The following PSMB2 variants were observed in gnomAD, a reference collection of about 807,000 sequenced individuals.
The protein encoded by PSMB2 is proteasome 20S subunit beta 2, also known as proteasome subunit beta type-2.
A neutral mutation model predicts 25.7 loss-of-function variants in PSMB2; 13 were observed. That is an observed-to-expected ratio of 0.51 (90% CI 0.33 to 0.80). The LOEUF (loss-of-function observed/expected upper bound fraction) is 0.80. PSMB2 is among the 30% of genes least tolerant of loss of function. The probability of loss-of-function intolerance (pLI) is 0.02; values close to 1 mark genes in which losing one functional copy is unlikely to be tolerated. For synonymous variants in PSMB2, 87 were observed against 96.2 expected (o/e 0.90, Z 0.56); for missense variants, 202 against 259.0 (o/e 0.78, Z 1.51).
rs1571118383 is a variant in PSMB2 at position 35,603,089 on chromosome 1, T to A, written c.*178A>T. Reference sequence around the variant, plus strand: ...TGGCAAAAAGATCATCTTCCCTCCATATCCTTTCTGAGGTAATATTAGGTA... The same window carrying A: ...TGGCAAAAAGATCATCTTCCCTCCAAATCCTTTCTGAGGTAATATTAGGTA... On this transcript the variant is annotated 3_prime_UTR_variant, in exon 6 of 6. Transcript: ENST00000373237. 5.8e-6 allele frequency: 8 copies of A among 1,388,164 alleles called. No homozygotes were observed. The South Asian group carries it at 1.3e-4, about 22-fold the overall frequency. The allele number at this position is 1,388,164 out of a possible 1,614,324, so 86.0% of individuals were successfully genotyped here.
intron 1 of PSMB2, among the ~76,000 whole-genome samples, chr1:35,639,930 TATTACATTACCACCTTATAG>T (rs1448296122): frequency 6.6e-6 from 1 of 152,206 alleles, no homozygotes; most frequent in African/African-American, 2.4e-5. Flanking sequence ...AGATAGGTGC[TATTACATTACCACCTTATAG>T]ATGTTAGCTC....
intron 4 of PSMB2, among the ~76,000 whole-genome samples, chr1:35,606,836 C>T (rs1650184294): frequency 6.6e-6 from 1 of 152,112 alleles, no homozygotes; most frequent in South Asian, 2.1e-4. Context: ...CAGTATGCTA[C>T]TGGCATAAAA....
rs147793003 is a variant in PSMB2, at chr1:35,626,521, G to A, written c.285+4753C>T. Among the ~76,000 whole-genome samples the A allele has an allele frequency of 3.4e-3, 516 of 152,152 alleles. 3 individuals carry two copies. The highest frequency in any genetic ancestry group is 0.012 in the African/African-American group (498 of 41,500). On this transcript the variant is annotated intron_variant, in intron 3 of 5. Coordinates refer to ENST00000373237, the MANE Select transcript of PSMB2 (RefSeq NM_002794.5). ...TCTATATAATACTATGTGCAATTTCGACATTTTAACAAAACTGAACATTTC... is the reference window on the plus strand; with the variant it reads ...TCTATATAATACTATGTGCAATTTCAACATTTTAACAAAACTGAACATTTC...
chr1:35,631,185 G>A, intron 3 of PSMB2, 89 bp downstream of exon 3: 1 of 1,397,498 alleles, frequency 7.2e-7, no homozygotes, highest in Non-Finnish European at 1.0e-6. Flanking sequence ...CCAAAAAAGG[G>A]CAAAAATACT....
At chr1:35,621,633 A>C (rs1650687042) in intron 3 of PSMB2, among the ~76,000 whole-genome samples, 1 of 152,118 alleles carries the variant, frequency 6.6e-6, no homozygotes, top group Admixed American at 6.6e-5. Flanking sequence ...TTTTAGGTTA[A>C]AAAGTAATAT....
At chr1:35,627,707 A>ACCATAT (rs1650907988) in intron 3 of PSMB2, among the ~76,000 whole-genome samples, 1 of 152,198 alleles carries the variant, frequency 6.6e-6, no homozygotes. Flanking sequence ...TAACTTTTTG[A>ACCATAT]AATTGGTAAG....
At chr1:35,631,478 G>A in intron 2 of PSMB2, 134 bp from the exon 3 acceptor site, 2 of 1,490,626 alleles carry the variant, frequency 1.3e-6, no homozygotes, top group South Asian at 2.7e-5. Context: ...AGACTGAGGG[G>A]TACAATCCTA....
At position 35,602,068 on chromosome 1, in the gene PSMB2, C is replaced by T; in HGVS notation, c.*1199G>A. ...TACTTTTTAGCCGGGCACGGTGGCT[C>T]ACGCCTGTAATCCCAGCACTGGGAA... On this transcript the variant is annotated 3_prime_UTR_variant, in exon 6 of 6. Coordinates refer to ENST00000373237, the MANE Select transcript of PSMB2 (RefSeq NM_002794.5). The T allele has an allele frequency of 1.9e-6, 1 of 517,040 alleles. No individual in the cohort carries two copies. The highest frequency in any genetic ancestry group is 2.5e-6 in the Non-Finnish European group (1 of 402,534). The allele number at this position is 517,040 out of a possible 1,614,324, so 32.0% of individuals were successfully genotyped here. A position where few individuals can be genotyped will look rare whatever the true frequency, so the allele number is the denominator to read the frequency against.
At position 35,641,494 on chromosome 1, in the gene PSMB2, T is replaced by C; in HGVS notation, c.-62A>G. 6.2e-7 allele frequency: 1 copy of C among 1,609,166 alleles called. No individual in the cohort carries two copies. The highest frequency in any genetic ancestry group is 1.1e-5 in the South Asian group (1 of 90,606). ...CACGAGACTCGCCCGCTTCCAGGTC[T>C]CACCGGTGAGACAGCACCTCAGAGC... On this transcript the variant is annotated 5_prime_UTR_variant, in exon 1 of 6. Coordinates refer to ENST00000373237, the MANE Select transcript of PSMB2 (RefSeq NM_002794.5).
At chr1:35,606,559 G>A (rs1650175792) in intron 4 of PSMB2, among the ~76,000 whole-genome samples, 1 of 152,082 alleles carries the variant, frequency 6.6e-6, no homozygotes, top group South Asian at 2.1e-4. Context: ...GGATACAAGC[G>A]AATGGAAATA....
chr1:35,639,082 C>T (rs755917809), intron 1 of PSMB2, among the ~76,000 whole-genome samples: 28 of 151,900 alleles, frequency 1.8e-4, no homozygotes, highest in Non-Finnish European at 3.1e-4. Context: ...GGTGAAACCC[C>T]GTTTCTACTA....
chr1:35,635,794 A>C (rs1651229186), intron 2 of PSMB2, among the ~76,000 whole-genome samples: 1 of 142,802 alleles, frequency 7.0e-6, no homozygotes, highest in Non-Finnish European at 1.5e-5. Context: ...GCGCCATTGC[A>C]CTCCAGCCTG....
rs1651388513 is a variant in PSMB2 at position 35,641,286 on chromosome 1, C to A, written c.91+56G>T. On this transcript the variant is annotated intron_variant, in intron 1 of 5. Coordinates refer to ENST00000373237, the MANE Select transcript of PSMB2 (RefSeq NM_002794.5). Reference sequence around the variant, plus strand: ...GTACTTATTCAACCCCCGACAAACTCCTTCTGGCCGCTCCTACACCCCAGG... The same window carrying A: ...GTACTTATTCAACCCCCGACAAACTACTTCTGGCCGCTCCTACACCCCAGG... 6.8e-6 allele frequency: 11 copies of A among 1,607,014 alleles called. No homozygotes were observed. In the South Asian group the frequency reaches 1.2e-4, roughly 18 times the overall value.
At chr1:35,621,623 T>G (rs1650686671) in intron 3 of PSMB2, among the ~76,000 whole-genome samples, 1 of 152,242 alleles carries the variant, frequency 6.6e-6, no homozygotes, top group African/African-American at 2.4e-5. Flanking sequence ...TTTTTTTCAT[T>G]TTTAGGTTAA....
At chr1:35,634,305 A>G (rs1451552648) in intron 2 of PSMB2, among the ~76,000 whole-genome samples, 1 of 152,258 alleles carries the variant, frequency 6.6e-6, no homozygotes, top group Non-Finnish European at 1.5e-5. Flanking sequence ...CCCAGAGAAG[A>G]TAAATGACTT....
At chr1:35,619,617 T>C (rs1650618361) in intron 3 of PSMB2, among the ~76,000 whole-genome samples, 1 of 152,216 alleles carries the variant, frequency 6.6e-6, no homozygotes, top group Non-Finnish European at 1.5e-5. Context: ...AAATATTGTG[T>C]ATATTTCAAT....
At position 35,603,191 on chromosome 1, in the gene PSMB2, G is replaced by A. The variant is rs779316771; in HGVS notation, c.*76C>T. 6.2e-5 allele frequency: 96 copies of A among 1,553,372 alleles called. No homozygotes were observed. Among genetic ancestry groups the A allele is most frequent in the Middle Eastern group, 1.7e-4 (1 of 5,730 alleles). ...TGAATTAACCATTTATCAAGAGTGC[G>A]CCTGAAAAGAGTAGAAAAAAATAAA... On this transcript the variant is annotated 3_prime_UTR_variant, in exon 6 of 6. Coordinates refer to ENST00000373237, the MANE Select transcript of PSMB2 (RefSeq NM_002794.5).
chr1:35,635,433 A>C (rs762674603), intron 2 of PSMB2, among the ~76,000 whole-genome samples: 4 of 152,132 alleles, frequency 2.6e-5, no homozygotes, highest in Non-Finnish European at 5.9e-5. Flanking sequence ...TCTATCAGCT[A>C]TCAGTGTTAC....
At chr1:35,613,799 T>C (rs1432590679) in intron 3 of PSMB2, among the ~76,000 whole-genome samples, 1 of 152,224 alleles carries the variant, frequency 6.6e-6, no homozygotes, top group Non-Finnish European at 1.5e-5. Flanking sequence ...AAGTTAGTCA[T>C]TTAATCTCTC....
Sources: gnomAD v4.1 joint callset for allele counts (sites outside exome capture counted in the v4.1 genomes callset) on GRCh38, gnomAD v4.1.1 for gene constraint, MANE v1.5 for transcripts, NCBI Gene and HGNC (gene_info 2026-07-23, HGNC 2026-07-21) for gene names.